Variants in C5orf34 observed in about 807,000 individuals in gnomAD.
The protein encoded by C5orf34 is chromosome 5 open reading frame 34.
A neutral mutation model predicts 78.4 loss-of-function variants in C5orf34; 73 were observed. The observed-to-expected ratio is 0.93, with a 90% CI of 0.77 to 1.13. The LOEUF (loss-of-function observed/expected upper bound fraction) is 1.13. Ranked by LOEUF, C5orf34 falls within the 50% of genes most tolerant of loss-of-function variation. C5orf34 has a pLI of 0.00. For synonymous variants in C5orf34, 251 were observed against 246.6 expected (o/e 1.02, Z -0.17); for missense variants, 730 against 732.7 (o/e 1.00, Z 0.04).
intron 6 of C5orf34, chr5:43,495,233 G>C (rs566801483): frequency 1.2e-6 from 2 of 1,608,352 alleles, no homozygotes; most frequent in South Asian, 2.2e-5. Context: ...CTCAACAATG[G>C]GCTTGCCAGG....
At chr5:43,503,788 C>T in intron 4 of C5orf34, 28 bp from the exon 5 acceptor site, 1 of 1,416,064 alleles carries the variant, frequency 7.1e-7, no homozygotes, top group Non-Finnish European at 1.0e-6. Context: ...CAAGCTATTA[C>T]TTCTGGTTGC....
chr5:43,498,446 TC>T (rs1352436284), intron 6 of C5orf34, among the ~76,000 whole-genome samples: 15 of 152,256 alleles, frequency 9.9e-5, no homozygotes, highest in African/African-American at 2.9e-4. Context: ...TAATCTCAAA[TC>T]CTTAATTGAC....
At chr5:43,496,157 T>G in intron 6 of C5orf34, 2 of 1,503,204 alleles carry the variant, frequency 1.3e-6, no homozygotes, top group Admixed American at 3.3e-5. Context: ...ATCATGTTTT[T>G]GATGAAGTCT....
chr5:43,492,919 A>G, intron 8 of C5orf34, 29 bp from the exon 9 acceptor site: 2 of 1,473,922 alleles, frequency 1.4e-6, no homozygotes, highest in Non-Finnish European at 1.9e-6. Context: ...AAATAGCAGG[A>G]AATAGAGTTA....
intron 6 of C5orf34, chr5:43,495,404 T>C: frequency 1.2e-6 from 2 of 1,611,764 alleles, no homozygotes; most frequent in Non-Finnish European, 1.7e-6. Context: ...AGCGCTTATT[T>C]GGCCTGGATG....
chr5:43,505,666 G>A, intron 4 of C5orf34, 82 bp downstream of exon 4: 1 of 1,372,760 alleles, frequency 7.3e-7, no homozygotes, highest in Non-Finnish European at 9.7e-7. Context: ...CCTTGTGAAT[G>A]GTATCAGATA....
Position 43,502,464 on chromosome 5 carries a change from T to C in C5orf34, c.1060A>G (p.Ile354Val), listed in dbSNP as rs1420590290. 1 of 1,583,318 alleles carries C rather than the reference T, an allele frequency of 6.3e-7. No individual in the cohort carries two copies. The highest frequency in any genetic ancestry group is 8.7e-7 in the Non-Finnish European group (1 of 1,154,864). Residue 354 changes from isoleucine (I) to valine (V), a missense_variant, in exon 6 of 13, where the codon ATT becomes GTT. Ile to Val is a conservative substitution (Grantham distance 29). Transcript: ENST00000306862. ...AAAACAGATCCATCCCCAGAATAAA[T>C]CTCTATTGAGTTCATATTTTGATGG... is the stretch of plus-strand genomic sequence containing the variant. ...LTHQNMNSIE[I>V]YSGDGSVFKS...
chr5:43,504,246 G>A (rs1175095026), intron 4 of C5orf34, among the ~76,000 whole-genome samples: 3 of 151,438 alleles, frequency 2.0e-5, no homozygotes, highest in African/African-American at 7.3e-5. Context: ...GGCGGAGGTT[G>A]CAGTGAGCTG....
chr5:43,496,456 T>G, intron 6 of C5orf34: 1 of 1,571,876 alleles, frequency 6.4e-7, no homozygotes, highest in Non-Finnish European at 8.6e-7. Flanking sequence ...CTTTCCCATT[T>G]TGGCTTTTAG....
intron 4 of C5orf34, 53 bp downstream of exon 4, chr5:43,505,695 T>A (rs1309616710): frequency 1.3e-6 from 2 of 1,487,616 alleles, no homozygotes; most frequent in Non-Finnish European, 1.8e-6. Context: ...ATTATCCAGG[T>A]TAAGACTGGT....
chr5:43,491,221 T>C (rs539452983), intron 10 of C5orf34, among the ~76,000 whole-genome samples: 1 of 152,292 alleles, frequency 6.6e-6, no homozygotes, highest in African/African-American at 2.4e-5. Context: ...GTATCAAGTT[T>C]AATAAAATGA....
chr5:43,501,046 G>A lies in C5orf34; in HGVS notation c.1152+1326C>T, dbSNP rs112707532. ...GCCCAAGGCAGTCCACCACAAATGC[G>A]TTTTAACCCAAAAGCTCATGCTTCT... On this transcript the variant is annotated intron_variant, in intron 6 of 12. Transcript: ENST00000306862. 7.9e-5 allele frequency among the ~76,000 whole-genome samples: 12 copies of A among 152,220 alleles called. No homozygotes were observed. In the South Asian group the frequency reaches 1.0e-3, roughly 13 times the overall value.
chr5:43,503,778 C>A lies in C5orf34; in HGVS notation c.933-18G>T. ...AATTCCACCTGTGAAGGATAAAATACAAGCTATTACTTCTGGTTGCTCAAT... is the reference window on the plus strand; with the variant it reads ...AATTCCACCTGTGAAGGATAAAATAAAAGCTATTACTTCTGGTTGCTCAAT... On this transcript the variant is annotated intron_variant, in intron 4 of 12. Coordinates refer to ENST00000306862, the MANE Select transcript of C5orf34 (RefSeq NM_198566.4). 6.7e-7 allele frequency: 1 copy of A among 1,493,216 alleles called. No individual in the cohort carries two copies. The highest frequency in any genetic ancestry group is 2.3e-5 in the East Asian group (1 of 44,216). 92.5% of individuals were successfully genotyped at this position (1,493,216 alleles called of 1,614,324 possible).
At chr5:43,490,076 C>T (rs1457010140) in intron 11 of C5orf34, among the ~76,000 whole-genome samples, 7 of 152,118 alleles carry the variant, frequency 4.6e-5, no homozygotes, top group African/African-American at 1.7e-4. Context: ...CTTTTTACTT[C>T]TGCCCTTATT....
intron 1 of C5orf34, among the ~76,000 whole-genome samples, chr5:43,513,865 C>T (rs933810796): frequency 6.6e-6 from 1 of 152,244 alleles, no homozygotes; most frequent in Non-Finnish European, 1.5e-5. Flanking sequence ...TTCATAGAAT[C>T]TATCATCAAA....
At chr5:43,514,043 TC>T (rs1347720508) in intron 1 of C5orf34, 3 of 152,218 alleles carry the variant, frequency 2.0e-5, no homozygotes, top group African/African-American at 7.2e-5. Flanking sequence ...AGTAAACTGC[TC>T]CTCTTGAATT....
chr5:43,496,017 G>T, intron 6 of C5orf34: 1 of 1,591,342 alleles, frequency 6.3e-7, no homozygotes, highest in Non-Finnish European at 8.5e-7. Context: ...CCAACAATTA[G>T]TTGTTTCACA....
intron 6 of C5orf34, among the ~76,000 whole-genome samples, chr5:43,500,611 G>C (rs1231364547): frequency 6.6e-6 from 1 of 152,186 alleles, no homozygotes. Flanking sequence ...GGCTGGGCTT[G>C]TCTCGAACTC....
At chr5:43,507,209 G>T (rs1746019201) in intron 3 of C5orf34, among the ~76,000 whole-genome samples, 1 of 152,190 alleles carries the variant, frequency 6.6e-6, no homozygotes, top group African/African-American at 2.4e-5. Context: ...AGTGTTGATT[G>T]TGACTTTTCA....
Sources: gnomAD v4.1 joint callset for allele counts (sites outside exome capture counted in the v4.1 genomes callset) on GRCh38, gnomAD v4.1.1 for gene constraint, MANE v1.5 for transcripts, NCBI Gene and HGNC (gene_info 2026-07-23, HGNC 2026-07-21) for gene names.